The following TMTC2 variants were observed in gnomAD, a reference collection of about 807,000 sequenced individuals.
TMTC2 encodes the protein transmembrane O-mannosyltransferase targeting cadherins 2, also known as protein O-mannosyl-transferase TMTC2.
TMTC2 carries 43 observed loss-of-function variants against 82.4 expected under a neutral mutation model. The ratio of observed to expected loss-of-function variants is 0.52; its 90% CI spans 0.41 to 0.67. TMTC2 has a LOEUF of 0.67. Ranked by LOEUF, TMTC2 falls within the 30% of genes least tolerant of loss-of-function variation. The pLI is 0.00. For missense variants in TMTC2, 919 were observed against 1,012.4 expected (o/e 0.91, Z 1.25); for synonymous variants, 408 against 381.9 (o/e 1.07, Z -0.80).
intron 9 of TMTC2, among the ~76,000 whole-genome samples, chr12:83,041,111 A>T (rs963275589): frequency 2.0e-5 from 3 of 152,310 alleles, no homozygotes; most frequent in Admixed American, 6.5e-5. Flanking sequence ...TTTAAAAAAA[A>T]GTGTTTATAA....
At chr12:83,085,897 A>G (rs1019414114) in intron 11 of TMTC2, among the ~76,000 whole-genome samples, 7 of 152,316 alleles carry the variant, frequency 4.6e-5, no homozygotes, top group Middle Eastern at 3.4e-3. Flanking sequence ...TTTTAAATCT[A>G]TCTCCTGTCA....
intron 8 of TMTC2, among the ~76,000 whole-genome samples, chr12:83,022,762 A>G (rs181790418): frequency 4.7e-4 from 72 of 152,162 alleles, no homozygotes; most frequent in African/African-American, 1.5e-3. Context: ...AAATCCCTAC[A>G]GTAAAATGAG....
intron 1 of TMTC2, among the ~76,000 whole-genome samples, chr12:82,707,296 A>T (rs893054825): frequency 2.0e-5 from 3 of 152,210 alleles, no homozygotes; most frequent in Non-Finnish European, 4.4e-5. Context: ...ATGAATCCCT[A>T]TAATGAGGAT....
At chr12:82,946,797 A>T (rs1159024491) in intron 4 of TMTC2, among the ~76,000 whole-genome samples, 3 of 146,270 alleles carry the variant, frequency 2.1e-5, no homozygotes, top group African/African-American at 7.7e-5. Context: ...GGTGAAGTGC[A>T]GTGGCGCCAT....
chr12:82,740,350 A>G (rs1470506799), intron 1 of TMTC2, among the ~76,000 whole-genome samples: 1 of 152,230 alleles, frequency 6.6e-6, no homozygotes, highest in Non-Finnish European at 1.5e-5. Flanking sequence ...ACAATACAGC[A>G]AGTGACAAAA....
At chr12:83,025,569 A>T (rs765814539) in intron 8 of TMTC2, among the ~76,000 whole-genome samples, 1 of 152,164 alleles carries the variant, frequency 6.6e-6, no homozygotes, top group Non-Finnish European at 1.5e-5. Flanking sequence ...AGACACCAAC[A>T]GGATGCCCTA....
At position 83,098,503 on chromosome 12, in the gene TMTC2, A is replaced by C. The variant is rs1416707507; in HGVS notation, c.2332-33707A>C. Among the ~76,000 whole-genome samples, 8 of 152,198 alleles carry C rather than the reference A, an allele frequency of 5.3e-5. No homozygotes were observed. The South Asian group carries it at 1.7e-3, about 31-fold the overall frequency. On this transcript the variant is annotated intron_variant, in intron 11 of 11. Coordinates refer to ENST00000321196, the MANE Select transcript of TMTC2 (RefSeq NM_152588.3). ...CTCAAGTCTCCAGTCCTTCAAATCT[A>C]TTCTTCAGTCCTGTCACAAAAGCTG...
At chr12:82,784,641 G>C (rs1382419004) in intron 1 of TMTC2, among the ~76,000 whole-genome samples, 1 of 152,078 alleles carries the variant, frequency 6.6e-6, no homozygotes, top group Non-Finnish European at 1.5e-5. Flanking sequence ...CTATTTGTAG[G>C]CGAAGGGTAA....
intron 11 of TMTC2, among the ~76,000 whole-genome samples, chr12:83,130,776 T>TA (rs112446695): frequency 6.6e-6 from 1 of 152,174 alleles, no homozygotes; most frequent in African/African-American, 2.4e-5. Flanking sequence ...TATATTTGTT[T>TA]ATTTTTTTCA....
chr12:82,730,037 C>G (rs945046020), intron 1 of TMTC2, among the ~76,000 whole-genome samples: 1 of 152,100 alleles, frequency 6.6e-6, no homozygotes, highest in Non-Finnish European at 1.5e-5. Context: ...CCGAACATAT[C>G]TGAACATCAG....
At chr12:82,794,636 C>T (rs954558782) in intron 1 of TMTC2, among the ~76,000 whole-genome samples, 2 of 152,096 alleles carry the variant, frequency 1.3e-5, no homozygotes, top group Non-Finnish European at 2.9e-5. Context: ...GTCATTACTC[C>T]AATTACCATA....
At chr12:82,767,978 C>T (rs890475786) in intron 1 of TMTC2, among the ~76,000 whole-genome samples, 1 of 152,128 alleles carries the variant, frequency 6.6e-6, no homozygotes, top group Non-Finnish European at 1.5e-5. Flanking sequence ...TGAAACAATT[C>T]GTTTCAAAAG....
In TMTC2 at chr12:83,086,853, C is replaced by T. The variant is rs2176482; in HGVS notation, c.2331+25022C>T. ...TAGTAATCTTTTTTTGCTGGTAAAG[C>T]ATCTTGGCTCACATTAATAGCTGCT... is the stretch of plus-strand genomic sequence containing the variant. On this transcript the variant is annotated intron_variant, in intron 11 of 11. Transcript: ENST00000321196. Among the ~76,000 whole-genome samples, 401 of 152,280 alleles carry T rather than the reference C, an allele frequency of 2.6e-3. 4 individuals are homozygous for T. The highest frequency in any genetic ancestry group is 8.3e-3 in the African/African-American group (344 of 41,558).
At chr12:83,084,201 A>G (rs12371057) in intron 11 of TMTC2, among the ~76,000 whole-genome samples, 71,174 of 152,018 alleles carry the variant, frequency 0.47, 16,831 homozygotes, top group East Asian at 0.64. Flanking sequence ...TAGTAGAAGT[A>G]ACAACACATG....
intron 4 of TMTC2, among the ~76,000 whole-genome samples, chr12:82,937,923 T>TG (rs536280117): frequency 0.016 from 915 of 56,306 alleles, 21 homozygotes; most frequent in African/African-American, 0.055. Context: ...TTTTTTTTTA[T>TG]TTTTTTTTTT....
chr12:82,777,926 T>A (rs758220915), intron 1 of TMTC2, among the ~76,000 whole-genome samples: 12 of 152,152 alleles, frequency 7.9e-5, no homozygotes, highest in Non-Finnish European at 1.5e-4. Flanking sequence ...AAGGCCCCTG[T>A]CCTCTGCCTG....
intron 11 of TMTC2, among the ~76,000 whole-genome samples, chr12:83,065,513 T>G (rs1256319872): frequency 6.6e-6 from 1 of 152,002 alleles, no homozygotes; most frequent in African/African-American, 2.4e-5. Context: ...CATTTTAAAA[T>G]TTTATTTACT....
intron 11 of TMTC2, among the ~76,000 whole-genome samples, chr12:83,130,094 T>C (rs1261742677): frequency 1.3e-5 from 2 of 152,200 alleles, no homozygotes; most frequent in South Asian, 4.1e-4. Flanking sequence ...AGGAATGGTC[T>C]CCAACAGTGG....
At chr12:82,985,762 A>T (rs1249956144) in intron 7 of TMTC2, among the ~76,000 whole-genome samples, 163 bp from the exon 8 acceptor site, 1 of 152,210 alleles carries the variant, frequency 6.6e-6, no homozygotes, top group East Asian at 1.9e-4. Context: ...TAAAATGGGA[A>T]TCATGATGAC....
Sources: allele counts gnomAD v4.1 joint callset (sites outside exome capture counted in the v4.1 genomes callset), GRCh38; gene constraint gnomAD v4.1.1; transcripts MANE v1.5; gene names NCBI Gene and HGNC (gene_info 2026-07-23, HGNC 2026-07-21).